KCNQ5: variants seen among roughly 807,000 people sequenced by gnomAD.
KCNQ5 encodes potassium voltage-gated channel subfamily Q member 5.
In KCNQ5, 30 loss-of-function variants were observed where a neutral mutation model predicts 98.2. That is an observed-to-expected ratio of 0.31 (90% CI 0.23 to 0.41). The LOEUF is 0.41. KCNQ5 is among the 10% of genes least tolerant of loss of function. KCNQ5 has a pLI of 1.00. For missense variants in KCNQ5, 835 were observed against 1,182.5 expected (o/e 0.71, Z 4.31); for synonymous variants, 458 against 449.4 (o/e 1.02, Z -0.24).
At chr6:72,832,364 A>G (rs1177478691) in intron 1 of KCNQ5, among the ~76,000 whole-genome samples, 1 of 152,118 alleles carries the variant, frequency 6.6e-6, no homozygotes, top group Non-Finnish European at 1.5e-5. Context: ...CTGACTCTGT[A>G]TACCCTCAGT....
chr6:72,665,553 A>T (rs1582077500), intron 1 of KCNQ5, among the ~76,000 whole-genome samples: 2 of 152,298 alleles, frequency 1.3e-5, no homozygotes, highest in East Asian at 3.9e-4. Context: ...CACGTTATAG[A>T]TTGGCCATTA....
At chr6:72,678,824 A>G (rs913818050) in intron 1 of KCNQ5, among the ~76,000 whole-genome samples, 3 of 152,192 alleles carry the variant, frequency 2.0e-5, no homozygotes, top group African/African-American at 7.2e-5. Context: ...AAGAAGCCAT[A>G]CAATAGAATT....
intron 1 of KCNQ5, among the ~76,000 whole-genome samples, chr6:72,693,344 T>TA (rs1294190266): frequency 6.6e-6 from 1 of 152,052 alleles, no homozygotes; most frequent in Non-Finnish European, 1.5e-5. Context: ...GAAGAGTTGA[T>TA]AAGGAGTGCC....
intron 1 of KCNQ5, among the ~76,000 whole-genome samples, chr6:72,722,359 C>A (rs1298049783): frequency 3.3e-5 from 5 of 152,148 alleles, no homozygotes; most frequent in Non-Finnish European, 7.4e-5. Context: ...AGTTATTTCC[C>A]CTTCTCTGAA....
chr6:72,906,024 A>T (rs1399496176), intron 1 of KCNQ5, among the ~76,000 whole-genome samples: 1 of 151,474 alleles, frequency 6.6e-6, no homozygotes, highest in Non-Finnish European at 1.5e-5. Flanking sequence ...AGGTGGGGGC[A>T]GGGCTAAGCA....
intron 1 of KCNQ5, among the ~76,000 whole-genome samples, chr6:72,981,031 G>A (rs1352352726): frequency 1.3e-5 from 2 of 152,096 alleles, no homozygotes; most frequent in Admixed American, 6.6e-5. Context: ...TGGTGGATAA[G>A]CTTTTTGATG....
chr6:72,699,239 T>C (rs908933077), intron 1 of KCNQ5, among the ~76,000 whole-genome samples: 2 of 152,156 alleles, frequency 1.3e-5, no homozygotes, highest in African/African-American at 4.8e-5. Flanking sequence ...AGGGAATAGC[T>C]TTTATGGAAA....
chr6:73,111,445 A>C, intron 7 of KCNQ5, 42 bp downstream of exon 7: 1 of 1,247,722 alleles, frequency 8.0e-7, no homozygotes, highest in Non-Finnish European at 1.2e-6. Context: ...ATTTGTGTCC[A>C]TAGTGCTTGA....
intron 11 of KCNQ5, among the ~76,000 whole-genome samples, chr6:73,172,298 T>C (rs1582484706): frequency 6.6e-6 from 1 of 152,116 alleles, no homozygotes; most frequent in African/African-American, 2.4e-5. Flanking sequence ...AGGAGGCAGA[T>C]GCTGCGGTGA....
chr6:72,898,035 AC>A (rs1264570512), intron 1 of KCNQ5, among the ~76,000 whole-genome samples: 2 of 152,242 alleles, frequency 1.3e-5, no homozygotes, highest in Non-Finnish European at 2.9e-5. Context: ...AACTTCAAGT[AC>A]TAAAAGTTTG....
rs573498527 is a variant in KCNQ5, at chr6:72,653,175, A to G, written c.398+30588A>G. Among the ~76,000 whole-genome samples, 7 of 151,866 alleles carry G rather than the reference A, an allele frequency of 4.6e-5. No individual in the cohort carries two copies. The East Asian group carries it at 1.2e-3, about 25-fold the overall frequency. On this transcript the variant is annotated intron_variant, in intron 1 of 13. Coordinates refer to ENST00000370398, the MANE Select transcript of KCNQ5 (RefSeq NM_019842.4). The stretch of plus-strand genomic sequence containing the variant: ...CTTGCCACATTTTCTGAATTTTTCC[A>G]TGTCTTGAAGCCTTTGTGATGGTGT...
chr6:72,717,686 C>T (rs946037831), intron 1 of KCNQ5, among the ~76,000 whole-genome samples: 10 of 152,248 alleles, frequency 6.6e-5, no homozygotes, highest in African/African-American at 2.4e-4. Context: ...ATAGGCACAA[C>T]ATAAATTGAA....
At chr6:72,898,961 G>A (rs183613113) in intron 1 of KCNQ5, among the ~76,000 whole-genome samples, 21 of 152,178 alleles carry the variant, frequency 1.4e-4, no homozygotes, top group South Asian at 8.3e-4. Context: ...TTTGTTGGCC[G>A]CATAAATGCC....
chr6:73,148,829 G>A (rs1465506034), intron 10 of KCNQ5, among the ~76,000 whole-genome samples: 1 of 150,610 alleles, frequency 6.6e-6, no homozygotes, highest in East Asian at 2.0e-4. Context: ...TGTTGAGCCT[G>A]CCCTTGCTCT....
intron 1 of KCNQ5, chr6:72,630,711 C>T (rs923991943): frequency 6.6e-6 from 1 of 151,928 alleles, no homozygotes; most frequent in Non-Finnish European, 1.5e-5. Flanking sequence ...TTAATATATA[C>T]ATATTAACAG....
chr6:73,154,589 T>C (rs1399882226), intron 10 of KCNQ5, among the ~76,000 whole-genome samples: 2 of 152,180 alleles, frequency 1.3e-5, no homozygotes, highest in African/African-American at 4.8e-5. Flanking sequence ...GTGAACATTC[T>C]TCTATTATTT....
At chr6:73,045,804 C>G (rs76192998) in intron 3 of KCNQ5, among the ~76,000 whole-genome samples, 1 of 152,014 alleles carries the variant, frequency 6.6e-6, no homozygotes, top group African/African-American at 2.4e-5. Context: ...TCCTTGGTGA[C>G]GCTTTCCAAA....
At chr6:72,739,247 T>A (rs1288252898) in intron 1 of KCNQ5, among the ~76,000 whole-genome samples, 1 of 152,168 alleles carries the variant, frequency 6.6e-6, no homozygotes, top group Non-Finnish European at 1.5e-5. Context: ...AGAAAGGAAT[T>A]ATGAATTAAT....
intron 1 of KCNQ5, among the ~76,000 whole-genome samples, chr6:72,816,889 C>T (rs543439309): frequency 6.6e-6 from 1 of 152,298 alleles, no homozygotes; most frequent in South Asian, 2.1e-4. Context: ...ACTAGACTCT[C>T]AGTAGTACAT....
Sources: gnomAD v4.1 joint callset for allele counts (sites outside exome capture counted in the v4.1 genomes callset) on GRCh38, gnomAD v4.1.1 for gene constraint, MANE v1.5 for transcripts, NCBI Gene and HGNC (gene_info 2026-07-23, HGNC 2026-07-21) for gene names.